STAT2: variants seen among roughly 807,000 people sequenced by gnomAD.
The protein encoded by STAT2 is interferon alpha induced transcriptional activator.
STAT2 carries 51 observed loss-of-function variants against 122.3 expected under a neutral mutation model. The ratio of observed to expected loss-of-function variants is 0.42; its 90% CI spans 0.33 to 0.53. STAT2 has a LOEUF of 0.53. STAT2 is among the 20% of genes least tolerant of loss of function. STAT2 has a pLI of 0.10. For synonymous variants in STAT2, 351 were observed against 394.9 expected (o/e 0.89, Z 1.32); for missense variants, 736 against 1,010.3 (o/e 0.73, Z 3.68).
rs547797924 is a variant in STAT2 at position 56,346,916 on chromosome 12, C to T, written c.1764G>A (p.Arg588=). The T allele has an allele frequency of 9.9e-6, 16 of 1,614,172 alleles. No homozygotes were observed. In the African/African-American group the frequency reaches 2.0e-4, roughly 20 times the overall value. The change falls in exon 20 of 24, where the codon CGG becomes CGA. Residue 588 remains arginine (R), a synonymous_variant. Transcript: ENST00000314128. ...MGFVSRSQER[R]LLKKTMSGTF... is the part of the protein sequence containing the mutation. ...TGCCAGACATGGTCTTCTTCAGCAG[C>T]CGGCGCTCCTGGCTCCGACTCACAA... is the stretch of plus-strand genomic sequence containing the variant.
chr12:56,349,203 G>A lies in STAT2; in HGVS notation c.1400C>T (p.Ala467Val). 4.3e-6 allele frequency: 7 copies of A among 1,614,184 alleles called. No individual in the cohort carries two copies. The highest frequency in any genetic ancestry group is 5.9e-6 in the Non-Finnish European group (7 of 1,180,042). Residue 467 changes from alanine to valine, a missense_variant, in exon 16 of 24, where the codon GCT (alanine) becomes GTT (valine). Coordinates refer to ENST00000314128, the MANE Select transcript of STAT2 (RefSeq NM_005419.4). ...SNMNQLSIAWASVLWFNLLSP... is the reference protein window; with the variant it reads ...SNMNQLSIAWVSVLWFNLLSP... Reference sequence around the variant, plus strand: ...GAGCAAATTGAACCAGAGAACTGAAGCCCAGGCAATTGAGAGCTGGTTCAT... The same window carrying A: ...GAGCAAATTGAACCAGAGAACTGAAACCCAGGCAATTGAGAGCTGGTTCAT...
Position 56,356,499 on chromosome 12 carries a change from T to C in STAT2, c.73A>G (p.Ser25Gly). ...QDQLHQLYSH[S>G]LLPVDIRQYL... ...TGTCGAATGTCCACAGGCAGGAGGC[T>C]GTGCGAGTAAAGCTGGTGCAGCTGA... The change falls in exon 2 of 24, where the codon AGC (serine) becomes GGC (glycine). Residue 25 changes from serine to glycine, a missense_variant. Coordinates refer to ENST00000314128, the MANE Select transcript of STAT2 (RefSeq NM_005419.4). 3 of 1,614,216 alleles carry C rather than the reference T, an allele frequency of 1.9e-6. No homozygotes were observed. Among genetic ancestry groups the C allele is most frequent in the South Asian group, 1.1e-5 (1 of 91,088 alleles).
chr12:56,349,138 T>C, intron 16 of STAT2, 25 bp downstream of exon 16: 1 of 1,614,094 alleles, frequency 6.2e-7, no homozygotes, highest in Non-Finnish European at 8.5e-7. Context: ...TCTCGCGCCT[T>C]GACCTGTCGG....
At chr12:56,350,957 A>G (rs1878374183) in intron 10 of STAT2, 69 bp from the exon 11 acceptor site, 1 of 1,595,822 alleles carries the variant, frequency 6.3e-7, no homozygotes, top group African/African-American at 1.3e-5. Context: ...GATGTTTGAA[A>G]AAGAGAAGAG....
chr12:56,345,524 A>AAAATATATATATATATATATATATAT (rs1555169410), intron 22 of STAT2, among the ~76,000 whole-genome samples: 8 of 26,194 alleles, frequency 3.1e-4, no homozygotes, highest in South Asian at 1.6e-3. Context: ...AAAAAAAAAA[A>AAAATATATATATATATATATATATAT]ATATATATAT....
At chr12:56,347,548 G>A (rs1407509936) in intron 19 of STAT2, among the ~76,000 whole-genome samples, 1 of 151,922 alleles carries the variant, frequency 6.6e-6, no homozygotes, top group African/African-American at 2.4e-5. Flanking sequence ...TGTCACCCAG[G>A]CTGGAGTGCA....
intron 1 of STAT2, among the ~76,000 whole-genome samples, chr12:56,358,231 CT>C (rs889276884): frequency 1.3e-4 from 19 of 140,796 alleles, no homozygotes; most frequent in South Asian, 2.2e-4. Context: ...GGCTCTGAAG[CT>C]TTTTTTTTTC....
At chr12:56,353,428 T>C (rs1878867623) in intron 8 of STAT2, among the ~76,000 whole-genome samples, 1 of 152,204 alleles carries the variant, frequency 6.6e-6, no homozygotes, top group South Asian at 2.1e-4. Flanking sequence ...ACGCCATGCC[T>C]GGCCTGGTAT....
At position 56,349,527 on chromosome 12, in the gene STAT2, A is replaced by G; in HGVS notation, c.1258-18T>C. The G allele has an allele frequency of 6.2e-7, 1 of 1,614,162 alleles. No individual in the cohort carries two copies. Among genetic ancestry groups the G allele is most frequent in the Non-Finnish European group, 8.5e-7 (1 of 1,180,022 alleles). On this transcript the variant is annotated intron_variant, in intron 14 of 23. Transcript: ENST00000314128. ...AGTGGCCCCTGGGACAGCCAAAGAC[A>G]TAGTCATCAGAAGGCTCTTTGGCAA...
At position 56,343,991 on chromosome 12, in the gene STAT2, T is replaced by C; in HGVS notation, c.2247A>G (p.Pro749=). Residue 749 remains proline, a synonymous_variant, in exon 23 of 24, where the codon CCA becomes CCG. Transcript: ENST00000314128. ...PLLKAGLDLG[P]ELESVLESTL... is the part of the protein sequence containing the mutation. ...TGGACTCCAGCACAGACTCTAGCTC[T>C]GGCCCCAGATCCAGCCCTGCCTTCA... is the stretch of plus-strand genomic sequence containing the variant. The C allele has an allele frequency of 6.2e-7, 1 of 1,613,598 alleles. No homozygotes were observed. The highest frequency in any genetic ancestry group is 8.5e-7 in the Non-Finnish European group (1 of 1,179,492).
intron 19 of STAT2, 134 bp from the exon 20 acceptor site, chr12:56,347,089 C>G: frequency 7.4e-7 from 1 of 1,347,526 alleles, no homozygotes; most frequent in Non-Finnish European, 9.9e-7. Flanking sequence ...TGCCACTTAG[C>G]TTTTTTTTAT....
At chr12:56,347,567 A>T (rs1240814395) in intron 19 of STAT2, among the ~76,000 whole-genome samples, 4 of 152,096 alleles carry the variant, frequency 2.6e-5, no homozygotes, top group African/African-American at 9.6e-5. Flanking sequence ...CAATGGCACG[A>T]TCTTGGCTCA....
Position 56,343,105 on chromosome 12 carries a change from G to T in STAT2, c.*284C>A. On this transcript the variant is annotated 3_prime_UTR_variant, in exon 24 of 24. Transcript: ENST00000314128. ...TGAGCCCTCCAAGTACCTGTCAACT[G>T]CCCTGGCCTGCCCCCAGGACCCCTA... 3.0e-6 allele frequency: 1 copy of T among 337,646 alleles called. No individual in the cohort carries two copies. Among genetic ancestry groups the T allele is most frequent in the Non-Finnish European group, 5.4e-6 (1 of 185,022 alleles). The allele number at this position is 337,646 out of a possible 1,614,324, so 20.9% of individuals were successfully genotyped here.
At position 56,355,711 on chromosome 12, in the gene STAT2, T is replaced by C. The variant is rs112826194; in HGVS notation, c.378A>G (p.Gln126=). The C allele has an allele frequency of 8.7e-5, 141 of 1,614,018 alleles. No homozygotes were observed. In the African/African-American group the frequency reaches 1.5e-3, roughly 18 times the overall value. Residue 126 remains glutamine, a synonymous_variant, in exon 4 of 24, where the codon CAA becomes CAG. Transcript: ENST00000314128. Reference sequence around the variant, plus strand: ...ATTACCACTGAATTGTCCTCACCAATTGGGCCCTCTGAGCCTGGATCAAAA... The same window carrying C: ...ATTACCACTGAATTGTCCTCACCAACTGGGCCCTCTGAGCCTGGATCAAAA... ...KRILIQAQRA[Q]LEQGEPVLET...
intron 3 of STAT2, among the ~76,000 whole-genome samples, 162 bp from the exon 4 acceptor site, chr12:56,355,965 C>T (rs1436864585): frequency 6.6e-6 from 1 of 152,160 alleles, no homozygotes; most frequent in Non-Finnish European, 1.5e-5. Context: ...CACGTATATG[C>T]AACCCTTCTC....
chr12:56,357,840 A>G (rs943696050), intron 1 of STAT2, among the ~76,000 whole-genome samples: 1 of 151,126 alleles, frequency 6.6e-6, no homozygotes, highest in Admixed American at 6.6e-5. Flanking sequence ...CCCCTCAAGG[A>G]GCTGGGACTA....
Position 56,343,882 on chromosome 12 carries a change from C to A in STAT2, c.2356G>T (p.Val786Leu). Residue 786 changes from valine to leucine, a missense_variant, in exon 23 of 24, where the codon GTG (valine) becomes TTG (leucine). By Grantham distance (32) the Val-to-Leu change is conservative. Transcript: ENST00000314128. ...TCACAGGGCAAATCTGGCTCTGGCA[C>A]TGGCTGTGATACAGGTCCTTGGTCT... The part of the protein sequence containing the change: ...EPDQGPVSQP[V>L]PEPDLPCDLR... 2 of 1,614,166 alleles carry A rather than the reference C, an allele frequency of 1.2e-6. No individual in the cohort carries two copies. The highest frequency in any genetic ancestry group is 1.7e-6 in the Non-Finnish European group (2 of 1,180,032).
In STAT2 at chr12:56,355,582, A is replaced by C. The variant is rs765911458; in HGVS notation, c.382-50T>G. Reference sequence around the variant, plus strand: ...TTTTAACTCTGGCCTTTCATGCCTTAAGTTCAGGCCTGAAATTATACCACA... The same window carrying C: ...TTTTAACTCTGGCCTTTCATGCCTTCAGTTCAGGCCTGAAATTATACCACA... On this transcript the variant is annotated intron_variant, in intron 4 of 23. Coordinates refer to ENST00000314128, the MANE Select transcript of STAT2 (RefSeq NM_005419.4). The C allele has an allele frequency of 1.1e-5, 17 of 1,609,324 alleles. No individual in the cohort carries two copies. In the South Asian group the frequency reaches 1.9e-4, roughly 18 times the overall value.
At chr12:56,349,119 C>T in intron 16 of STAT2, 44 bp downstream of exon 16, 1 of 1,614,036 alleles carries the variant, frequency 6.2e-7, no homozygotes, top group Non-Finnish European at 8.5e-7. Flanking sequence ...CAAGCTTCCA[C>T]ACCCCTCCTC....
Sources: gnomAD v4.1 joint callset for allele counts (sites outside exome capture counted in the v4.1 genomes callset) on GRCh38, gnomAD v4.1.1 for gene constraint, MANE v1.5 for transcripts, NCBI Gene and HGNC (gene_info 2026-07-23, HGNC 2026-07-21) for gene names.